ZNF345: variants seen among roughly 807,000 people sequenced by gnomAD.
ZNF345 encodes the protein zinc finger protein 345, also known as zinc finger protein HZF10.
For missense variants in ZNF345, 527 were observed against 589.9 expected, an observed-to-expected ratio of 0.89 and a Z score of 1.10; for synonymous variants, 166 against 187.9, an observed-to-expected ratio of 0.88 and a Z score of 0.95.
intron 2 of ZNF345, among the ~76,000 whole-genome samples, chr19:36,855,222 A>G (rs1383867192): frequency 1.4e-5 from 2 of 142,754 alleles, no homozygotes; most frequent in African/African-American, 2.7e-5. Flanking sequence ...AGCTCACTGC[A>G]AGCTCCGCCT....
chr19:36,871,843 C>T (rs771610753), intron 2 of ZNF345, among the ~76,000 whole-genome samples: 2 of 152,120 alleles, frequency 1.3e-5, no homozygotes, highest in Non-Finnish European at 2.9e-5. Context: ...TCTTGTCTTA[C>T]CACAACCTCC....
downstream of ZNF345, among the ~76,000 whole-genome samples, chr19:36,882,182 C>A (rs1157371093): frequency 6.6e-6 from 1 of 151,700 alleles, no homozygotes; most frequent in African/African-American, 2.4e-5. Context: ...AGTACATGTG[C>A]TTGGTTAATA....
chr19:36,883,576 A>C (rs2072980572), downstream of ZNF345, among the ~76,000 whole-genome samples: 1 of 152,302 alleles, frequency 6.6e-6, no homozygotes, highest in South Asian at 2.1e-4. Context: ...AATATTGTAC[A>C]CCTATGTAAG....
chr19:36,854,879 A>T (rs1600687097), intron 2 of ZNF345, among the ~76,000 whole-genome samples: 2 of 132,582 alleles, frequency 1.5e-5, no homozygotes, highest in Admixed American at 8.3e-5. Context: ...TTTTGGATGG[A>T]GTCTCTCTCT....
At chr19:36,893,123 G>A (rs996872254), downstream of ZNF345, 1 of 397,240 alleles carries the variant, frequency 2.5e-6, no homozygotes. Flanking sequence ...GTGTTGAAAG[G>A]TTTAAATGTC....
intron 2 of ZNF345, among the ~76,000 whole-genome samples, chr19:36,860,843 A>G (rs1002002686): frequency 1.1e-4 from 17 of 152,194 alleles, no homozygotes; most frequent in African/African-American, 3.9e-4. Context: ...TGTGTAAATA[A>G]CTACTCACCA....
At chr19:36,867,163 T>C (rs2072677516) in intron 2 of ZNF345, among the ~76,000 whole-genome samples, 1 of 152,248 alleles carries the variant, frequency 6.6e-6, no homozygotes, top group South Asian at 2.1e-4. Context: ...CCCACATCTT[T>C]ACCAACATTT....
At chr19:36,870,346 G>A (rs2072747812) in intron 2 of ZNF345, among the ~76,000 whole-genome samples, 1 of 151,988 alleles carries the variant, frequency 6.6e-6, no homozygotes, top group South Asian at 2.1e-4. Context: ...AGTATGTTCT[G>A]TCAGTTTCTT....
chr19:36,852,732 C>T (rs2146114072), intron 2 of ZNF345, among the ~76,000 whole-genome samples: 1 of 152,252 alleles, frequency 6.6e-6, no homozygotes, highest in Non-Finnish European at 1.5e-5. Context: ...CTTAGCTCCA[C>T]ATCCATGCTA....
chr19:36,866,803 G>A (rs1037737155), intron 2 of ZNF345, among the ~76,000 whole-genome samples: 12 of 152,082 alleles, frequency 7.9e-5, no homozygotes, highest in African/African-American at 2.4e-4. Flanking sequence ...CACTTGCCTC[G>A]GCCTTCCAAA....
intron 2 of ZNF345, among the ~76,000 whole-genome samples, chr19:36,871,225 T>A (rs1318468159): frequency 6.6e-6 from 1 of 152,126 alleles, no homozygotes; most frequent in Non-Finnish European, 1.5e-5. Context: ...ATTAATTACA[T>A]TCATGAGGGC....
intron 2 of ZNF345, among the ~76,000 whole-genome samples, chr19:36,874,341 A>G (rs960385485): frequency 1.3e-5 from 2 of 152,200 alleles, no homozygotes; most frequent in African/African-American, 2.4e-5. Flanking sequence ...TGAAAATACA[A>G]AAATCAGCCA....
At chr19:36,853,245 C>CTTTTTTTTTTTT (rs902150512) in intron 2 of ZNF345, among the ~76,000 whole-genome samples, 72 of 106,468 alleles carry the variant, frequency 6.8e-4, no homozygotes, top group Middle Eastern at 6.0e-3. Flanking sequence ...TTCTTTCTTT[C>CTTTTTTTTTTTT]TTTTTTTTTT....
chr19:36,858,326 AG>A (rs1427416041), intron 2 of ZNF345: 2 of 146,436 alleles, frequency 1.4e-5, no homozygotes, highest in Non-Finnish European at 3.0e-5. Context: ...CACTTGGACT[AG>A]CCAATCACAA....
chr19:36,875,316 TC>T (rs1174008414), intron 2 of ZNF345, among the ~76,000 whole-genome samples: 4 of 152,134 alleles, frequency 2.6e-5, no homozygotes, highest in African/African-American at 9.7e-5. Flanking sequence ...TAAAGATACA[TC>T]ATTTAGCAGA....
chr19:36,869,305 A>G (rs1390052303), intron 2 of ZNF345, among the ~76,000 whole-genome samples: 1 of 152,194 alleles, frequency 6.6e-6, no homozygotes, highest in African/African-American at 2.4e-5. Context: ...AGCACAGTAA[A>G]GAGACACATA....
rs757198442 is a variant in ZNF345 at position 36,892,433 on chromosome 19, T to G, written c.47-385T>G. ...ATTACTTGACTGAAATGTCTCTTCT[T>G]TAGAGATAATATTTTGGTCTCACAC... On this transcript the variant is annotated intron_variant, in intron 3 of 3. Transcript: ENST00000526123. The G allele has an allele frequency of 1.4e-5, 22 of 1,601,914 alleles. No homozygotes were observed. The South Asian group carries it at 2.1e-4, about 15-fold the overall frequency.
At chr19:36,869,737 T>C (rs1449624355) in intron 2 of ZNF345, among the ~76,000 whole-genome samples, 1 of 151,492 alleles carries the variant, frequency 6.6e-6, no homozygotes, top group Admixed American at 6.6e-5. Context: ...ATTTATTTAG[T>C]GGTTTCTTTT....
Position 36,878,238 on chromosome 19 carries a change from C to T in ZNF345, c.1408C>T (p.Gln470Ter), listed in dbSNP as rs1166752552. 1 of 1,606,102 alleles carries T rather than the reference C, an allele frequency of 6.2e-7. No individual in the cohort carries two copies. The highest frequency in any genetic ancestry group is 1.7e-5 in the Admixed American group (1 of 57,738). The change falls in exon 3 of 3, where the codon CAG (glutamine) becomes TAG (stop). Residue 470 changes from glutamine to a stop codon, truncating the protein, a stop_gained. Transcript: ENST00000420450. LOFTEE classifies it low-confidence loss of function (END_TRUNC). ...GGCTTATGGGAGGGATTCAGAGTTT[C>T]AGCAACATAAGAAAAGTCATAATGG... The part of the protein sequence containing the change: ...GKAYGRDSEF[Q>*]QHKKSHNGKK...
Sources: allele counts gnomAD v4.1 joint callset (sites outside exome capture counted in the v4.1 genomes callset), GRCh38; gene constraint gnomAD v4.1.1; transcripts MANE v1.5; gene names NCBI Gene and HGNC (gene_info 2026-07-23, HGNC 2026-07-21).